The following EXO5 variants were observed in gnomAD, a reference collection of about 807,000 sequenced individuals.
EXO5 encodes exonuclease 5, also known as exonuclease V.
A neutral mutation model predicts 17.8 loss-of-function variants in EXO5; 11 were observed. The observed-to-expected ratio is 0.62, with a 90% CI of 0.39 to 1.02. The LOEUF (loss-of-function observed/expected upper bound fraction) is 1.02. Ranked by LOEUF, EXO5 falls within the 50% of genes least tolerant of loss-of-function variation. The probability of loss-of-function intolerance (pLI) is 0.00; values close to 1 mark genes in which losing one functional copy is unlikely to be tolerated. For missense variants in EXO5, 364 were observed against 434.8 expected, an observed-to-expected ratio of 0.84 and a Z score of 1.45; for synonymous variants, 147 against 166.5, an observed-to-expected ratio of 0.88 and a Z score of 0.90.
In EXO5 at chr1:40,510,688, C is replaced by G. The variant is rs201577319; in HGVS notation, c.-31+898C>G. The stretch of plus-strand genomic sequence containing the variant: ...GAGCTTTCTGTGATCAGGGAATGTT[C>G]TGTATCTGTGCCTTATCTGTATCCA... On this transcript the variant is annotated intron_variant, in intron 3 of 3. Coordinates refer to ENST00000415550, the MANE Select transcript of EXO5 (RefSeq NM_001346953.2). Among the ~76,000 whole-genome samples the G allele has an allele frequency of 2.2e-4, 33 of 152,328 alleles. No individual in the cohort carries two copies. The East Asian group carries it at 5.2e-3, about 24-fold the overall frequency.
At chr1:40,513,312 A>C (rs138740528) in intron 3 of EXO5, among the ~76,000 whole-genome samples, 4 of 152,174 alleles carry the variant, frequency 2.6e-5, no homozygotes, top group African/African-American at 7.2e-5. Flanking sequence ...GTATCTATAT[A>C]TAGTTGATCT....
intron 3 of EXO5, among the ~76,000 whole-genome samples, chr1:40,511,980 G>A (rs148780930): frequency 0.025 from 3,786 of 151,896 alleles, 82 homozygotes; most frequent in Middle Eastern, 0.088. Flanking sequence ...CTGGGTTCAC[G>A]CCATTCTCCT....
intron 3 of EXO5, among the ~76,000 whole-genome samples, chr1:40,510,140 C>T (rs754569030): frequency 2.0e-5 from 3 of 152,122 alleles, no homozygotes; most frequent in Non-Finnish European, 2.9e-5. Flanking sequence ...CACTTACTAC[C>T]TAACAATTTT....
chr1:40,514,401 A>G, intron 3 of EXO5, 114 bp from the exon 4 acceptor site: 1 of 874,054 alleles, frequency 1.1e-6, no homozygotes, highest in South Asian at 1.9e-5. Context: ...CTGGCTTTTT[A>G]AAAGAATGTA....
In EXO5 at chr1:40,515,541, C is replaced by T; in HGVS notation, c.997C>T (p.Gln333Ter). ...CTACTGGATGGGCCACCGAGAGCCC[C>T]AGGGAGTTGACGTGGAGGAGGCTTG... ...MAYWMGHREP[Q>*]GVDVEEAWKC... The change falls in exon 4 of 4, where the codon CAG becomes TAG. Residue 333 changes from glutamine to a stop codon, truncating the protein, a stop_gained. Transcript: ENST00000415550. LOFTEE classifies it high-confidence loss of function. 1 of 1,613,782 alleles carries T rather than the reference C, an allele frequency of 6.2e-7. No homozygotes were observed. The highest frequency in any genetic ancestry group is 8.5e-7 in the Non-Finnish European group (1 of 1,179,976).
At chr1:40,511,942 G>A (rs1191215384) in intron 3 of EXO5, among the ~76,000 whole-genome samples, 1 of 151,506 alleles carries the variant, frequency 6.6e-6, no homozygotes, top group Non-Finnish European at 1.5e-5. Flanking sequence ...ACAGTGGTGG[G>A]ATCTCAGCTC....
chr1:40,510,973 C>T (rs1355399536), intron 3 of EXO5, among the ~76,000 whole-genome samples: 2 of 152,084 alleles, frequency 1.3e-5, no homozygotes, highest in Non-Finnish European at 2.9e-5. Context: ...CGGTGGCTCA[C>T]GCCTGTAATC....
intron 3 of EXO5, among the ~76,000 whole-genome samples, chr1:40,511,101 G>A (rs1331886909): frequency 6.6e-6 from 1 of 152,200 alleles, no homozygotes; most frequent in African/African-American, 2.4e-5. Context: ...TGGGCGCGGT[G>A]GCGGGTGCCT....
chr1:40,514,613 A>G lies in EXO5; in HGVS notation c.69A>G (p.Ser23=). ...EASGFSDLSD[S]EFLEFLDLED... is the part of the protein sequence containing the mutation. ...CAGGGTTCTCAGACTTGAGTGACTC[A>G]GAGTTCCTGGAGTTTCTGGACCTAG... Residue 23 remains serine, a synonymous_variant, in exon 4 of 4, where the codon TCA becomes TCG. Coordinates refer to ENST00000415550, the MANE Select transcript of EXO5 (RefSeq NM_001346953.2). 6.2e-7 allele frequency: 1 copy of G among 1,614,198 alleles called. No homozygotes were observed. The highest frequency in any genetic ancestry group is 8.5e-7 in the Non-Finnish European group (1 of 1,180,018).
Position 40,514,808 on chromosome 1 carries a change from T to A in EXO5, c.264T>A (p.Thr88=). 2 of 1,614,206 alleles carry A rather than the reference T, an allele frequency of 1.2e-6. No homozygotes were observed. Among genetic ancestry groups the A allele is most frequent in the Non-Finnish European group, 1.7e-6 (2 of 1,180,030 alleles). The part of the protein sequence containing the change: ...LKYLYVTDLA[T]QNWCELQTAY... ...ATTTATATGTCACTGACCTGGCTAC[T>A]CAGAACTGGTGTGAACTGCAAACAG... Residue 88 remains threonine (T), a synonymous_variant, in exon 4 of 4, where the codon ACT becomes ACA. Transcript: ENST00000415550.
Position 40,515,108 on chromosome 1 carries a change from C to G in EXO5, c.564C>G (p.Ala188=). 1.9e-6 allele frequency: 3 copies of G among 1,614,096 alleles called. No individual in the cohort carries two copies. Among genetic ancestry groups the G allele is most frequent in the Non-Finnish European group, 2.5e-6 (3 of 1,180,032 alleles). The part of the protein sequence containing the change: ...VGVIDELHYT[A]KGELELAELK... ...TGATTGATGAGCTGCACTATACAGC[C>G]AAGGGGGAACTGGAGCTGGCGGAAC... Residue 188 remains alanine, a synonymous_variant, in exon 4 of 4, where the codon GCC becomes GCG. Transcript: ENST00000415550.
At chr1:40,511,992 C>T (rs575031636) in intron 3 of EXO5, among the ~76,000 whole-genome samples, 2 of 152,164 alleles carry the variant, frequency 1.3e-5, no homozygotes, top group Non-Finnish European at 2.9e-5. Flanking sequence ...CATTCTCCTG[C>T]CTCAGCCTCC....
Position 40,515,793 on chromosome 1 carries a change from C to A in EXO5, c.*127C>A. 1.0e-6 allele frequency: 1 copy of A among 961,460 alleles called. No homozygotes were observed. The highest frequency in any genetic ancestry group is 1.5e-6 in the Non-Finnish European group (1 of 651,340). 59.6% of individuals were successfully genotyped at this position (961,460 alleles called of 1,614,324 possible). On this transcript the variant is annotated 3_prime_UTR_variant, in exon 4 of 4. Transcript: ENST00000415550. ...ATTTTGGTTCTTTTTTTTATTTCCA[C>A]AACCTCTAACCACATTCAGTCCAGG...
intron 3 of EXO5, among the ~76,000 whole-genome samples, chr1:40,514,107 C>T (rs533242168): frequency 8.8e-4 from 134 of 151,638 alleles, no homozygotes; most frequent in Non-Finnish European, 1.4e-3. Context: ...AGTGAAAGCC[C>T]GTCTCTACTA....
chr1:40,514,968 G>T lies in EXO5; in HGVS notation c.424G>T (p.Ala142Ser). 6.2e-7 allele frequency: 1 copy of T among 1,614,110 alleles called. No individual in the cohort carries two copies. Among genetic ancestry groups the T allele is most frequent in the Non-Finnish European group, 8.5e-7 (1 of 1,179,988 alleles). ...TGTCCCAGTCACCACTAAAGAAGATGCTTGGGCAATTAAGTTTCTGAACAT... is the reference window on the plus strand; with the variant it reads ...TGTCCCAGTCACCACTAAAGAAGATTCTTGGGCAATTAAGTTTCTGAACAT... ...VTVPVTTKEDAWAIKFLNILL... is the reference protein window; with the variant it reads ...VTVPVTTKEDSWAIKFLNILL... Residue 142 changes from alanine to serine, a missense_variant, in exon 4 of 4, where the codon GCT (alanine) becomes TCT (serine). Ala to Ser is a moderately conservative substitution (Grantham distance 99, BLOSUM62 1). Transcript: ENST00000415550.
In EXO5 at chr1:40,515,139, A is replaced by T; in HGVS notation, c.595A>T (p.Thr199Ser). 5 of 1,614,124 alleles carry T rather than the reference A, an allele frequency of 3.1e-6. No homozygotes were observed. Among genetic ancestry groups the T allele is most frequent in the Non-Finnish European group, 4.2e-6 (5 of 1,180,016 alleles). The change falls in exon 4 of 4, where the codon ACA becomes TCA. Residue 199 changes from threonine (T) to serine (S), a missense_variant. By Grantham distance (58) the Thr-to-Ser change is moderately conservative. Transcript: ENST00000415550. ...KGELELAELK[T>S]RRRPMLPLEA... The stretch of plus-strand genomic sequence containing the variant: ...GGAACTGGAGCTGGCGGAACTCAAG[A>T]CACGCAGGCGCCCTATGCTCCCTCT...
In EXO5 at chr1:40,514,733, G is replaced by A; in HGVS notation, c.189G>A (p.Trp63Ter). Reference protein sequence around the residue: ...KDDKPISLQNWKRGLDILSPM... With the variant: ...KDDKPISLQN Reference sequence around the variant, plus strand: ...ACAAACCCATAAGCTTACAAAACTGGAAAAGAGGATTGGATATATTATCAC... The same window carrying A: ...ACAAACCCATAAGCTTACAAAACTGAAAAAGAGGATTGGATATATTATCAC... Residue 63 changes from tryptophan to a stop codon, truncating the protein, a stop_gained, in exon 4 of 4, where the codon TGG (tryptophan) becomes TGA (stop). Transcript: ENST00000415550. LOFTEE classifies it high-confidence loss of function. 1 of 1,614,160 alleles carries A rather than the reference G, an allele frequency of 6.2e-7. No individual in the cohort carries two copies. The highest frequency in any genetic ancestry group is 1.1e-5 in the South Asian group (1 of 91,082).
rs1645881773 is a variant in EXO5, at chr1:40,515,796, C to T, written c.*130C>T. On this transcript the variant is annotated 3_prime_UTR_variant, in exon 4 of 4. Coordinates refer to ENST00000415550, the MANE Select transcript of EXO5 (RefSeq NM_001346953.2). ...TTGGTTCTTTTTTTTATTTCCACAA[C>T]CTCTAACCACATTCAGTCCAGGACC... 2 of 929,578 alleles carry T rather than the reference C, an allele frequency of 2.2e-6. No individual in the cohort carries two copies. The highest frequency in any genetic ancestry group is 3.5e-5 in the South Asian group (2 of 56,652). The allele number at this position is 929,578 out of a possible 1,614,324, so 57.6% of individuals were successfully genotyped here. A position where few individuals can be genotyped will look rare whatever the true frequency, so the allele number is the denominator to read the frequency against.
In EXO5 at chr1:40,515,384, A is replaced by C. The variant is rs1645868690; in HGVS notation, c.840A>C (p.Thr280=). 1 of 1,613,966 alleles carries C rather than the reference A, an allele frequency of 6.2e-7. No homozygotes were observed. The highest frequency in any genetic ancestry group is 8.5e-7 in the Non-Finnish European group (1 of 1,179,988). ...TGGAACTTGTCTTCTTGTCTCTAAC[A>C]CTGTCAGACCTCCCAGTTATTGATA... ...DLMELVFLSL[T]LSDLPVIDIL... Residue 280 remains threonine, a synonymous_variant, in exon 4 of 4, where the codon ACA becomes ACC. Coordinates refer to ENST00000415550, the MANE Select transcript of EXO5 (RefSeq NM_001346953.2).
Sources: gnomAD v4.1 joint callset for allele counts (sites outside exome capture counted in the v4.1 genomes callset) on GRCh38, gnomAD v4.1.1 for gene constraint, MANE v1.5 for transcripts, NCBI Gene and HGNC (gene_info 2026-07-23, HGNC 2026-07-21) for gene names.